LRRC74B: variants seen among roughly 807,000 people sequenced by gnomAD.
LRRC74B encodes the protein leucine rich repeat containing 74B, also known as leucine-rich repeat-containing protein 74B.
LRRC74B carries 30 observed loss-of-function variants against 16.6 expected under a neutral mutation model. That is an observed-to-expected ratio of 1.80 (90% CI 1.35 to 2.45). The LOEUF is 2.45. Ranked by LOEUF, LRRC74B falls within the 30% of genes most tolerant of loss-of-function variation. LRRC74B has a pLI of 0.00. For synonymous variants in LRRC74B, 134 were observed against 86.0 expected (o/e 1.56, Z -3.09); for missense variants, 326 against 202.4 (o/e 1.61, Z -3.71).
At chr22:21,052,174 C>T (rs957651083) in intron 4 of LRRC74B, 75 bp from the exon 5 acceptor site, 7 of 704,374 alleles carry the variant, frequency 9.9e-6, no homozygotes, top group East Asian at 2.7e-5. Flanking sequence ...AGGCTCGGCA[C>T]GCAGTGGGCA....
exon 2 of LRRC74B, chr22:21,047,409 C>A (rs560973914): frequency 4.2e-6 from 3 of 717,520 alleles, no homozygotes; most frequent in Non-Finnish European, 7.8e-6. Flanking sequence ...GAGGTCTTGC[C>A]GGGCCCATAG....
exon 9 of LRRC74B, chr22:21,060,378 C>T (rs1930751829): frequency 1.4e-6 from 1 of 713,068 alleles, no homozygotes; most frequent in African/African-American, 1.8e-5. Context: ...CTTAGGATAT[C>T]CAGGTGAACG....
At chr22:21,051,399 C>T (rs750634800) in intron 4 of LRRC74B, among the ~76,000 whole-genome samples, 4 of 152,116 alleles carry the variant, frequency 2.6e-5, no homozygotes, top group African/African-American at 4.8e-5. Flanking sequence ...GAACTCCTGG[C>T]GCCAAGAAAT....
chr22:21,046,802 A>C (rs1324758194), intron 1 of LRRC74B, among the ~76,000 whole-genome samples: 1 of 151,728 alleles, frequency 6.6e-6, no homozygotes, highest in Non-Finnish European at 1.5e-5. Context: ...CTAATATAAA[A>C]ATTTTTTGGC....
At chr22:21,061,732 T>C (rs1347795395), downstream of LRRC74B, 1 of 152,204 alleles carries the variant, frequency 6.6e-6, no homozygotes, top group Non-Finnish European at 1.5e-5. Context: ...AGGTATATAC[T>C]TGAAAGAAAT....
intron 6 of LRRC74B, 22 bp downstream of exon 6, chr22:21,053,497 C>G (rs1027137917): frequency 2.8e-6 from 2 of 713,394 alleles, no homozygotes; most frequent in African/African-American, 1.8e-5. Context: ...CGGGGGGACA[C>G]CCCAGGAATC....
At chr22:21,061,202 C>A (rs983970732), downstream of LRRC74B, among the ~76,000 whole-genome samples, 1 of 152,068 alleles carries the variant, frequency 6.6e-6, no homozygotes, top group Admixed American at 6.6e-5. Flanking sequence ...TGGCGCACAC[C>A]TGTAATCCCC....
At chr22:21,052,495 G>A in intron 5 of LRRC74B, 137 bp downstream of exon 5, 2 of 619,062 alleles carry the variant, frequency 3.2e-6, no homozygotes, top group Admixed American at 5.5e-5. Flanking sequence ...GTTTCTTTAG[G>A]TGATTTTAAT....
At chr22:21,047,462 A>G in exon 2 of LRRC74B, 1 of 717,522 alleles carries the variant, frequency 1.4e-6, no homozygotes, top group Non-Finnish European at 2.6e-6. Context: ...GGAGCGCCCA[A>G]GAGCTGAACC....
At chr22:21,051,253 C>T (rs76723627) in intron 4 of LRRC74B, among the ~76,000 whole-genome samples, 7 of 152,156 alleles carry the variant, frequency 4.6e-5, no homozygotes, top group Admixed American at 6.6e-5. Flanking sequence ...GGCTCTTCTG[C>T]AGGCGCTTTC....
At chr22:21,059,522 A>G (rs567000570) in intron 8 of LRRC74B, among the ~76,000 whole-genome samples, 4 of 152,342 alleles carry the variant, frequency 2.6e-5, no homozygotes, top group Admixed American at 1.3e-4. Context: ...GACCATGCCA[A>G]TGCATTCCAG....
downstream of LRRC74B, chr22:21,062,520 C>T (rs1930855091): frequency 1.3e-5 from 2 of 152,000 alleles, no homozygotes; most frequent in Admixed American, 6.6e-5. Flanking sequence ...CGAGACCATC[C>T]TGGCTAACAT....
chr22:21,057,434 A>G (rs1006459147), intron 8 of LRRC74B, among the ~76,000 whole-genome samples: 1 of 151,674 alleles, frequency 6.6e-6, no homozygotes, highest in Non-Finnish European at 1.5e-5. Flanking sequence ...TGGGTTCTTC[A>G]TTGGCTGAGA....
downstream of LRRC74B, chr22:21,060,572 T>C (rs1305820270): frequency 4.4e-6 from 3 of 680,386 alleles, no homozygotes; most frequent in Non-Finnish European, 8.2e-6. Context: ...TGCTTTGACC[T>C]CCAGGGTGAG....
chr22:21,046,275 G>A, intron 1 of LRRC74B, 150 bp downstream of exon 1: 1 of 593,584 alleles, frequency 1.7e-6, no homozygotes, highest in East Asian at 2.7e-5. Context: ...ATTGCTCCTG[G>A]AAGCATCAGG....
At chr22:21,047,955 G>T (rs1929622792) in exon 3 of LRRC74B, 1 of 717,424 alleles carries the variant, frequency 1.4e-6, no homozygotes, top group East Asian at 2.7e-5. Flanking sequence ...GAGACAATGG[G>T]CTCTGTGGGG....
downstream of LRRC74B, among the ~76,000 whole-genome samples, chr22:21,061,049 C>T (rs939892787): frequency 5.3e-5 from 8 of 152,120 alleles, no homozygotes; most frequent in Non-Finnish European, 7.3e-5. Flanking sequence ...CTCATGGGGC[C>T]GGACGCGGTG....
At chr22:21,046,187 G>T (rs1196899074) in intron 1 of LRRC74B, 62 bp downstream of exon 1, 48 of 705,728 alleles carry the variant, frequency 6.8e-5, no homozygotes, top group South Asian at 3.0e-4. Context: ...CGCAGGGGTT[G>T]GGGGAGGCGG....
At chr22:21,054,929 C>T (rs764513674) in intron 6 of LRRC74B, among the ~76,000 whole-genome samples, 169 bp from the exon 7 acceptor site, 2 of 152,172 alleles carry the variant, frequency 1.3e-5, no homozygotes, top group Non-Finnish European at 2.9e-5. Context: ...GGTGTCATCT[C>T]CACCTTTTAC....
Sources: allele counts gnomAD v4.1 joint callset (sites outside exome capture counted in the v4.1 genomes callset), GRCh38; gene constraint gnomAD v4.1.1; transcripts MANE v1.5; gene names NCBI Gene and HGNC (gene_info 2026-07-23, HGNC 2026-07-21).